Variants in DHX15 observed in about 807,000 individuals in gnomAD.
DHX15 encodes DEAH-box helicase 15.
In DHX15, 11 loss-of-function variants were observed where a neutral mutation model predicts 94.4. The observed-to-expected ratio is 0.12, with a 90% CI of 0.07 to 0.19. The LOEUF (loss-of-function observed/expected upper bound fraction) is 0.19, where lower values mean the gene tolerates loss of function less well. Ranked by LOEUF, DHX15 falls within the 10% of genes least tolerant of loss-of-function variation. The pLI, the probability that DHX15 is intolerant of heterozygous loss-of-function variation, is 1.00. For synonymous variants in DHX15, 338 were observed against 329.9 expected, an observed-to-expected ratio of 1.02 and a Z score of -0.27; for missense variants, 304 against 988.5, an observed-to-expected ratio of 0.31 and a Z score of 9.29.
At chr4:24,550,288 A>T (rs1721565416) in intron 5 of DHX15, among the ~76,000 whole-genome samples, 1 of 151,860 alleles carries the variant, frequency 6.6e-6, no homozygotes, top group Admixed American at 6.6e-5. Flanking sequence ...TACAAAATTT[A>T]TAAAAAAATG....
chr4:24,554,037 T>C (rs1281361704), intron 5 of DHX15, among the ~76,000 whole-genome samples: 2 of 151,446 alleles, frequency 1.3e-5, no homozygotes, highest in Non-Finnish European at 2.9e-5. Context: ...GCTAAAACGG[T>C]GAAACCCTGT....
At chr4:24,554,980 A>G (rs1414929947) in intron 4 of DHX15, 37 bp from the exon 5 acceptor site, 20 of 1,528,144 alleles carry the variant, frequency 1.3e-5, no homozygotes, top group Non-Finnish European at 1.8e-5. Flanking sequence ...AGCTGTCTTC[A>G]AGGATTCTTA....
At chr4:24,572,626 T>C (rs1428615405) in intron 2 of DHX15, among the ~76,000 whole-genome samples, 1 of 151,510 alleles carries the variant, frequency 6.6e-6, no homozygotes, top group East Asian at 1.9e-4. Context: ...AAAATATTAA[T>C]TCCTAACAAT....
At chr4:24,540,994 A>G in intron 8 of DHX15, 46 bp from the exon 9 acceptor site, 1 of 1,247,434 alleles carries the variant, frequency 8.0e-7, no homozygotes, top group Non-Finnish European at 1.2e-6. Flanking sequence ...AAAATGCCTC[A>G]GTCTCCTCGT....
intron 3 of DHX15, among the ~76,000 whole-genome samples, chr4:24,560,328 C>G (rs915088189): frequency 1.3e-5 from 2 of 151,936 alleles, no homozygotes; most frequent in African/African-American, 2.4e-5. Flanking sequence ...ATCCCTACCT[C>G]AAAGCTTATG....
intron 4 of DHX15, among the ~76,000 whole-genome samples, 190 bp downstream of exon 4, chr4:24,556,061 T>C (rs1016346167): frequency 9.2e-5 from 14 of 152,050 alleles, no homozygotes; most frequent in African/African-American, 3.1e-4. Flanking sequence ...TAAAAATGCA[T>C]TACTATAAAG....
At chr4:24,535,285 A>T (rs1412327778) in intron 11 of DHX15, among the ~76,000 whole-genome samples, 2 of 152,268 alleles carry the variant, frequency 1.3e-5, no homozygotes, top group East Asian at 3.9e-4. Context: ...TAGTATTTTG[A>T]TGTATTTATC....
chr4:24,553,447 T>C (rs1721656168), intron 5 of DHX15, among the ~76,000 whole-genome samples: 1 of 151,870 alleles, frequency 6.6e-6, no homozygotes, highest in Non-Finnish European at 1.5e-5. Flanking sequence ...CAATACTACA[T>C]TACAGCACAA....
intron 6 of DHX15, among the ~76,000 whole-genome samples, chr4:24,547,187 A>G (rs1446708964): frequency 6.6e-6 from 1 of 152,340 alleles, no homozygotes; most frequent in East Asian, 1.9e-4. Context: ...GGCAAGGATA[A>G]CATGATTTCC....
At chr4:24,580,825 CT>C (rs1722394796) in intron 1 of DHX15, 2 of 151,684 alleles carry the variant, frequency 1.3e-5, no homozygotes, top group African/African-American at 4.8e-5. Context: ...GCAATAAGCA[CT>C]GCTTTTTATC....
At chr4:24,529,075 G>A (rs1183208139) in intron 13 of DHX15, among the ~76,000 whole-genome samples, 3 of 152,130 alleles carry the variant, frequency 2.0e-5, no homozygotes, top group African/African-American at 7.2e-5. Context: ...CCAGGCTGGA[G>A]TACAGTGGCA....
In DHX15 at chr4:24,537,042, T is replaced by A. The variant is rs1275733048; in HGVS notation, c.1909+9A>T. 1 of 1,612,332 alleles carries A rather than the reference T, an allele frequency of 6.2e-7. No individual in the cohort carries two copies. The highest frequency in any genetic ancestry group is 8.5e-7 in the Non-Finnish European group (1 of 1,178,902). On this transcript the variant is annotated intron_variant, in intron 11 of 13. Transcript: ENST00000336812. The surrounding 1 kb of genome is among the most constrained non-coding windows in gnomAD (Gnocchi z 4.7). ...AGACAAGAGTGTCTCCAATCAAATT[T>A]ACACTTACTTTGTTTAAAAGCATGG... is the stretch of plus-strand genomic sequence containing the variant.
At chr4:24,558,607 G>T (rs1721793879) in intron 3 of DHX15, among the ~76,000 whole-genome samples, 1 of 152,100 alleles carries the variant, frequency 6.6e-6, no homozygotes, top group South Asian at 2.1e-4. Context: ...CTATCATCCA[G>T]ACAATTCCCA....
chr4:24,572,950 G>A (rs1468113301), intron 2 of DHX15, among the ~76,000 whole-genome samples: 1 of 152,078 alleles, frequency 6.6e-6, no homozygotes, highest in Non-Finnish European at 1.5e-5. Context: ...TCACTCTGTT[G>A]CCCAGGCTGG....
chr4:24,574,119 T>A (rs1722186096), intron 2 of DHX15, among the ~76,000 whole-genome samples: 1 of 141,470 alleles, frequency 7.1e-6, no homozygotes, highest in Admixed American at 7.6e-5. Context: ...GGCAGGAGAA[T>A]CACTTGAACC....
intron 1 of DHX15, among the ~76,000 whole-genome samples, chr4:24,583,878 G>T (rs1421460900): frequency 6.6e-6 from 1 of 151,880 alleles, no homozygotes; most frequent in East Asian, 1.9e-4. Context: ...CCCCCACCCA[G>T]GCCCTCCCCA....
chr4:24,542,813 C>T (rs1698612964), intron 7 of DHX15, 127 bp downstream of exon 7: 1 of 652,196 alleles, frequency 1.5e-6, no homozygotes, highest in Admixed American at 2.9e-5. Context: ...GTTCATACAG[C>T]AGAAATTTGC....
In DHX15 at chr4:24,541,948, A is replaced by G; in HGVS notation, c.1410T>C (p.Ala470=). 1.2e-6 allele frequency: 2 copies of G among 1,612,962 alleles called. No individual in the cohort carries two copies. Among genetic ancestry groups the G allele is most frequent in the Non-Finnish European group, 8.5e-7 (1 of 1,179,174 alleles). ...AISKASAQQR[A]GRAGRTRPGK... Reference sequence around the variant, plus strand: ...CAGGTCTGGTACGTCCAGCTCGACCAGCCCTTTGCTGAGCTGAAGCTTTAC... The same window carrying G: ...CAGGTCTGGTACGTCCAGCTCGACCGGCCCTTTGCTGAGCTGAAGCTTTAC... The change falls in exon 8 of 14, where the codon GCT becomes GCC. Residue 470 remains alanine, a synonymous_variant. Coordinates refer to ENST00000336812, the MANE Select transcript of DHX15 (RefSeq NM_001358.3).
At chr4:24,580,346 G>C (rs1296183741) in intron 1 of DHX15, among the ~76,000 whole-genome samples, 1 of 152,178 alleles carries the variant, frequency 6.6e-6, no homozygotes, top group Admixed American at 6.5e-5. Context: ...ATTTGAGACT[G>C]CAGTGAGCCA....
Sources: allele counts gnomAD v4.1 joint callset (sites outside exome capture counted in the v4.1 genomes callset), GRCh38; gene constraint gnomAD v4.1.1; non-coding constraint Gnocchi (gnomAD v3.1); transcripts MANE v1.5; gene names NCBI Gene and HGNC (gene_info 2026-07-23, HGNC 2026-07-21).